Variants in MAPT observed in about 807,000 individuals in gnomAD.
The protein encoded by MAPT is microtubule associated protein tau, also known as microtubule-associated protein tau.
Under a neutral mutation model 67.9 loss-of-function variants are expected in MAPT, and 34 were observed. The observed-to-expected ratio is 0.50, with a 90% confidence interval of 0.38 to 0.67. The LOEUF (loss-of-function observed/expected upper bound fraction) is 0.67, where lower values mean the gene tolerates loss of function less well. Ranked by LOEUF, MAPT falls within the 30% of genes least tolerant of loss-of-function variation. The probability of loss-of-function intolerance (pLI) is 0.00; values close to 1 mark genes in which losing one functional copy is unlikely to be tolerated. For synonymous variants in MAPT, 456 were observed against 464.5 expected, an observed-to-expected ratio of 0.98 and a Z score of 0.23; for missense variants, 881 against 1,115.2, an observed-to-expected ratio of 0.79 and a Z score of 2.99.
chr17:45,985,674 A>C, intron 5 of MAPT: 1 of 985,430 alleles, frequency 1.0e-6, no homozygotes, highest in Non-Finnish European at 1.2e-6. Context: ...AAGTTTGGGA[A>C]ATGCCGATTT....
rs1417616760 is a variant in MAPT at position 46,028,238 on chromosome 17, G to C, written c.*4067G>C. On this transcript the variant is annotated 3_prime_UTR_variant, in exon 13 of 13. Coordinates refer to ENST00000262410, the MANE Select transcript of MAPT (RefSeq NM_001377265.1). ...CATCTTAGCTTAGCTTTCTGTCTGT[G>C]AATGTCTATATAGTGTATTGTGTGT... 1 of 152,530 alleles carries C rather than the reference G, an allele frequency of 6.6e-6. No homozygotes were observed. The highest frequency in any genetic ancestry group is 6.5e-5 in the Admixed American group (1 of 15,274). The allele number at this position is 152,530 out of a possible 1,614,324, so 9.4% of individuals were successfully genotyped here.
intron 9 of MAPT, among the ~76,000 whole-genome samples, chr17:46,004,201 G>A (rs1388826036): frequency 6.6e-6 from 1 of 152,096 alleles, no homozygotes; most frequent in Non-Finnish European, 1.5e-5. Context: ...CACGGACGGG[G>A]CTGTGGGGCT....
intron 1 of MAPT, among the ~76,000 whole-genome samples, chr17:45,955,822 G>T (rs112950348): frequency 1.3e-5 from 2 of 151,634 alleles, no homozygotes; most frequent in Admixed American, 1.3e-4. Context: ...TGCAACCTCC[G>T]CCTCCTAGGT....
rs537448292 is a variant in MAPT, at chr17:45,982,862, C to T, written c.287-4C>T. ...CTTTTGCTATCGCTGCCTCTTCAAA[C>T]CAGAGGAGTTGAGAGTTCCGGGCCG... On this transcript the variant is annotated splice_polypyrimidine_tract_variant and splice_region_variant and intron_variant, in intron 4 of 12. Coordinates refer to ENST00000262410, the MANE Select transcript of MAPT (RefSeq NM_001377265.1). 1 of 1,311,102 alleles carries T rather than the reference C, an allele frequency of 7.6e-7. No homozygotes were observed. The highest frequency in any genetic ancestry group is 1.5e-5 in the African/African-American group (1 of 67,670). The allele number at this position is 1,311,102 out of a possible 1,614,324, so 81.2% of individuals were successfully genotyped here.
intron 7 of MAPT, among the ~76,000 whole-genome samples, chr17:45,991,025 A>G (rs564120257): frequency 2.0e-5 from 3 of 152,216 alleles, no homozygotes; most frequent in Non-Finnish European, 4.4e-5. Context: ...GGTCAGGTTC[A>G]ACACTGCCCC....
intron 12 of MAPT, among the ~76,000 whole-genome samples, chr17:46,022,369 A>G (rs530102444): frequency 1.4e-3 from 210 of 152,024 alleles, no homozygotes; most frequent in Middle Eastern, 6.8e-3. Flanking sequence ...AAAAAAAAAA[A>G]AAAAGATAAA....
At chr17:45,927,809 G>A (rs2066486852) in intron 1 of MAPT, among the ~76,000 whole-genome samples, 1 of 151,766 alleles carries the variant, frequency 6.6e-6, no homozygotes, top group Non-Finnish European at 1.5e-5. Flanking sequence ...GACCATCCTG[G>A]CTAACATGGT....
intron 1 of MAPT, among the ~76,000 whole-genome samples, chr17:45,937,992 C>G (rs1166855648): frequency 1.3e-5 from 2 of 152,186 alleles, no homozygotes; most frequent in Non-Finnish European, 2.9e-5. Flanking sequence ...TTTCATGATG[C>G]GGCCACACAG....
chr17:46,000,600 C>A (rs1199553647), intron 9 of MAPT, among the ~76,000 whole-genome samples: 1 of 152,208 alleles, frequency 6.6e-6, no homozygotes, highest in African/African-American at 2.4e-5. Flanking sequence ...GCCCGAGCCT[C>A]CTGGACCTGT....
intron 9 of MAPT, among the ~76,000 whole-genome samples, chr17:46,001,848 G>A (rs2075030024): frequency 6.6e-6 from 1 of 152,214 alleles, no homozygotes; most frequent in African/African-American, 2.4e-5. Context: ...GAGGAATGTA[G>A]GATGGAGAGC....
At chr17:45,924,672 AG>A (rs2066099538) in intron 1 of MAPT, among the ~76,000 whole-genome samples, 1 of 152,184 alleles carries the variant, frequency 6.6e-6, no homozygotes, top group South Asian at 2.1e-4. Flanking sequence ...TCAGTCAATA[AG>A]GCTGCTCCTG....
chr17:46,001,266 C>T (rs2074976145), intron 9 of MAPT, among the ~76,000 whole-genome samples: 1 of 151,896 alleles, frequency 6.6e-6, no homozygotes, highest in Admixed American at 6.6e-5. Flanking sequence ...TTAAGGTGCC[C>T]CAAATTGTAC....
rs193138400 is a variant in MAPT at position 45,942,445 on chromosome 17, C to G, written c.-17-19876C>G. ...TGCCCTGCCTGGCCGGAGGCTGCAT[C>G]GAGAGGGCCAAGGGGCACCACGTGT... On this transcript the variant is annotated intron_variant, in intron 1 of 12. Coordinates refer to ENST00000262410, the MANE Select transcript of MAPT (RefSeq NM_001377265.1). 8.3e-4 allele frequency among the ~76,000 whole-genome samples: 127 copies of G among 152,304 alleles called. 2 individuals carry two copies. The Middle Eastern group carries it at 0.017, about 20-fold the overall frequency.
chr17:45,942,215 T>C (rs1183840827), intron 1 of MAPT, among the ~76,000 whole-genome samples: 2 of 152,266 alleles, frequency 1.3e-5, no homozygotes, highest in Non-Finnish European at 2.9e-5. Context: ...CACATATATG[T>C]ATTCTTTTCT....
intron 9 of MAPT, among the ~76,000 whole-genome samples, chr17:46,008,408 G>A (rs1257692792): frequency 6.6e-6 from 1 of 152,118 alleles, no homozygotes; most frequent in South Asian, 2.1e-4. Flanking sequence ...TCACTTCTTA[G>A]AGCAAGATAC....
intron 12 of MAPT, among the ~76,000 whole-genome samples, chr17:46,020,966 C>T (rs1021169591): frequency 1.1e-4 from 16 of 152,278 alleles, no homozygotes; most frequent in Non-Finnish European, 1.5e-4. Flanking sequence ...GCAGCCGGGC[C>T]GTCTTTCCAC....
At chr17:45,993,806 C>T (rs1049683647) in intron 8 of MAPT, 3 of 1,018,310 alleles carry the variant, frequency 2.9e-6, no homozygotes, top group Non-Finnish European at 3.0e-6. Context: ...GCCCCTCGAC[C>T]TTGTTTCAGA....
At position 45,985,662 on chromosome 17, in the gene MAPT, G is replaced by T. The variant is rs780532168; in HGVS notation, c.1352-1378G>T. The T allele has an allele frequency of 1.4e-4, 142 of 985,256 alleles. 1 individual carries two copies. The highest frequency in any genetic ancestry group is 1.7e-4 in the Non-Finnish European group (140 of 829,906). The allele number at this position is 985,256 out of a possible 1,614,324, so 61.0% of individuals were successfully genotyped here. Reference sequence around the variant, plus strand: ...ATTCTACCTGCTAACATTTCCTGGAGGAAGTTTGGGAAATGCCGATTTAGC... The same window carrying T: ...ATTCTACCTGCTAACATTTCCTGGATGAAGTTTGGGAAATGCCGATTTAGC... On this transcript the variant is annotated intron_variant, in intron 5 of 12. Transcript: ENST00000262410.
chr17:45,993,128 G>A (rs1055265550), intron 8 of MAPT, among the ~76,000 whole-genome samples: 3 of 152,202 alleles, frequency 2.0e-5, no homozygotes, highest in African/African-American at 7.2e-5. Context: ...TGGTGACTCT[G>A]CTTCTCCCTG....
Sources: gnomAD v4.1 joint callset for allele counts (sites outside exome capture counted in the v4.1 genomes callset) on GRCh38, gnomAD v4.1.1 for gene constraint, MANE v1.5 for transcripts, NCBI Gene and HGNC (gene_info 2026-07-23, HGNC 2026-07-21) for gene names.